PCSK2: variants seen among roughly 807,000 people sequenced by gnomAD.
The protein encoded by PCSK2 is proprotein convertase subtilisin/kexin type 2, also known as neuroendocrine convertase 2.
Under a neutral mutation model 69.7 loss-of-function variants are expected in PCSK2, and 14 were observed. That is an observed-to-expected ratio of 0.20 (90% CI 0.13 to 0.31). The LOEUF is 0.31. Among genes scored for constraint, PCSK2 ranks in the 10% least tolerant of loss-of-function variants. The pLI is 1.00. For synonymous variants in PCSK2, 307 were observed against 320.7 expected (o/e 0.96, Z 0.46); for missense variants, 544 against 842.5 (o/e 0.65, Z 4.39).
At position 17,402,850 on chromosome 20, in the gene PCSK2, G is replaced by A. The variant is rs185201813; in HGVS notation, c.544-6413G>A. ...TGGGCTCCTGTAGTCCCAGCTACTCGGGAGGCTGAGGCGGGAGAATGGCAT... is the reference window on the plus strand; with the variant it reads ...TGGGCTCCTGTAGTCCCAGCTACTCAGGAGGCTGAGGCGGGAGAATGGCAT... On this transcript the variant is annotated intron_variant, in intron 5 of 11. Coordinates refer to ENST00000262545, the MANE Select transcript of PCSK2 (RefSeq NM_002594.5). Among the ~76,000 whole-genome samples, 671 of 151,972 alleles carry A rather than the reference G, an allele frequency of 4.4e-3. 14 individuals are homozygous for A. Among genetic ancestry groups the A allele is most frequent in the African/African-American group, 0.014 (587 of 41,486 alleles).
chr20:17,356,208 G>A (rs1291355230), intron 2 of PCSK2, among the ~76,000 whole-genome samples: 1 of 151,894 alleles, frequency 6.6e-6, no homozygotes, highest in Admixed American at 6.6e-5. Flanking sequence ...ATGGGCACTA[G>A]TTAGGTCCAA....
chr20:17,287,199 A>C (rs1456935217), intron 2 of PCSK2, among the ~76,000 whole-genome samples: 1 of 152,200 alleles, frequency 6.6e-6, no homozygotes, highest in East Asian at 1.9e-4. Context: ...CTAGTGTTTG[A>C]CCAAACATCT....
intron 2 of PCSK2, among the ~76,000 whole-genome samples, chr20:17,292,229 C>A (rs1277721217): frequency 6.6e-6 from 1 of 151,974 alleles, no homozygotes; most frequent in Non-Finnish European, 1.5e-5. Flanking sequence ...TCTTTCATGG[C>A]CTCAATTTTA....
intron 5 of PCSK2, among the ~76,000 whole-genome samples, chr20:17,390,176 T>C (rs191319601): frequency 0.013 from 1,939 of 152,304 alleles, 17 homozygotes; most frequent in Non-Finnish European, 0.02. Flanking sequence ...TCTGGTTCCA[T>C]TTACATGAAG....
chr20:17,409,395 T>G, intron 6 of PCSK2, 56 bp downstream of exon 6: 1 of 1,221,670 alleles, frequency 8.2e-7, no homozygotes, highest in South Asian at 1.2e-5. Flanking sequence ...TTTATTCTAC[T>G]TTGTTTTGTT....
chr20:17,378,165 G>A (rs779164669), intron 5 of PCSK2, among the ~76,000 whole-genome samples: 7 of 152,150 alleles, frequency 4.6e-5, no homozygotes, highest in Non-Finnish European at 1.0e-4. Context: ...ATATAGGAAT[G>A]CAATAGCTAG....
chr20:17,341,833 A>T (rs1990517987), intron 2 of PCSK2, among the ~76,000 whole-genome samples: 1 of 149,100 alleles, frequency 6.7e-6, no homozygotes, highest in East Asian at 1.9e-4. Flanking sequence ...TTACAGAAAA[A>T]TCTATCTCCA....
At chr20:17,256,418 A>G (rs1361927076) in intron 1 of PCSK2, among the ~76,000 whole-genome samples, 1 of 151,820 alleles carries the variant, frequency 6.6e-6, no homozygotes, top group Non-Finnish European at 1.5e-5. Flanking sequence ...GAGAGTTTTT[A>G]TTATTTTTTC....
rs1230069008 is a variant in PCSK2, at chr20:17,369,357, T to C, written c.543+80T>C. On this transcript the variant is annotated intron_variant, in intron 5 of 11. Transcript: ENST00000262545. The stretch of plus-strand genomic sequence containing the variant: ...TCCCTGGCTATTAGGAACATGCACA[T>C]GTCTACATGTCTATACACATGCATG... 3 of 1,052,640 alleles carry C rather than the reference T, an allele frequency of 2.8e-6. No individual in the cohort carries two copies. In the Admixed American group the frequency reaches 5.2e-5, roughly 18 times the overall value. The allele number at this position is 1,052,640 out of a possible 1,614,324, so 65.2% of individuals were successfully genotyped here. A position where few individuals can be genotyped will look rare whatever the true frequency, so the allele number is the denominator to read the frequency against.
At chr20:17,434,350 G>A (rs2032440863) in intron 7 of PCSK2, among the ~76,000 whole-genome samples, 1 of 140,980 alleles carries the variant, frequency 7.1e-6, no homozygotes, top group Non-Finnish European at 1.5e-5. Flanking sequence ...AAAACCCTTG[G>A]GTCACGCTGA....
At chr20:17,397,891 T>A (rs1265826209) in intron 5 of PCSK2, among the ~76,000 whole-genome samples, 2 of 152,208 alleles carry the variant, frequency 1.3e-5, no homozygotes, top group African/African-American at 4.8e-5. Flanking sequence ...ACAACTCTGT[T>A]CTCAGAGCTG....
intron 5 of PCSK2, among the ~76,000 whole-genome samples, chr20:17,392,530 A>G (rs773108760): frequency 2.6e-5 from 4 of 152,204 alleles, no homozygotes; most frequent in Non-Finnish European, 5.9e-5. Context: ...AGTTTTGACA[A>G]AAGTTCATAC....
rs572703400 is a variant in PCSK2, at chr20:17,456,527, C to T, written c.1202+79C>T. 2.7e-5 allele frequency: 21 copies of T among 779,288 alleles called. No individual in the cohort carries two copies. In the African/African-American group the frequency reaches 3.1e-4, roughly 12 times the overall value. 48.3% of individuals were successfully genotyped at this position (779,288 alleles called of 1,614,324 possible). On this transcript the variant is annotated intron_variant, in intron 10 of 11. Coordinates refer to ENST00000262545, the MANE Select transcript of PCSK2 (RefSeq NM_002594.5). ...GTCTCTCTGCCCACATGCCAGGTGT[C>T]CATGGAGGGAAAAGTTGATGTGAGA...
intron 8 of PCSK2, among the ~76,000 whole-genome samples, chr20:17,439,803 C>T (rs889224099): frequency 6.6e-6 from 1 of 152,222 alleles, no homozygotes; most frequent in Non-Finnish European, 1.5e-5. Flanking sequence ...CTTTGGTACA[C>T]AGGCTGGATC....
chr20:17,383,981 T>C (rs1420164431), intron 5 of PCSK2, among the ~76,000 whole-genome samples: 2 of 152,230 alleles, frequency 1.3e-5, no homozygotes, highest in African/African-American at 4.8e-5. Context: ...CTCATCCCAT[T>C]GTGTTGAAAT....
intron 2 of PCSK2, among the ~76,000 whole-genome samples, chr20:17,300,328 G>A (rs1989036529): frequency 6.6e-6 from 1 of 152,200 alleles, no homozygotes; most frequent in Admixed American, 6.5e-5. Flanking sequence ...GTTACCCAGT[G>A]GCATTGATGG....
At position 17,465,679 on chromosome 20, in the gene PCSK2, GTTTT is replaced by G. The variant is rs1568661812; in HGVS notation, c.1430+130_1430+133del. On this transcript the variant is annotated intron_variant, in intron 11 of 11. Coordinates refer to ENST00000262545, the MANE Select transcript of PCSK2 (RefSeq NM_002594.5). The stretch of plus-strand genomic sequence containing the variant: ...AACTGTATTTTTTGTTTGTTTGTTT[GTTTT>G]TTTGAGACAGGGCCTCACTTTGTCA... The G allele has an allele frequency of 8.9e-6, 6 of 676,804 alleles. No homozygotes were observed. The East Asian group carries it at 1.4e-4, about 15-fold the overall frequency. The allele number at this position is 676,804 out of a possible 1,614,324, so 41.9% of individuals were successfully genotyped here.
chr20:17,302,648 C>A (rs1418503845), intron 2 of PCSK2, among the ~76,000 whole-genome samples: 1 of 152,184 alleles, frequency 6.6e-6, no homozygotes, highest in Non-Finnish European at 1.5e-5. Context: ...TCTTTATCTT[C>A]ATGGGTAGAC....
At chr20:17,332,292 T>G (rs2123153659) in intron 2 of PCSK2, among the ~76,000 whole-genome samples, 1 of 152,308 alleles carries the variant, frequency 6.6e-6, no homozygotes, top group South Asian at 2.1e-4. Context: ...ACCTTGCTTG[T>G]AAATTTCACA....
Sources: allele counts gnomAD v4.1 joint callset (sites outside exome capture counted in the v4.1 genomes callset), GRCh38; gene constraint gnomAD v4.1.1; transcripts MANE v1.5; gene names NCBI Gene and HGNC (gene_info 2026-07-23, HGNC 2026-07-21).